Variants in PPFIA2 observed in about 807,000 individuals in gnomAD.
PPFIA2 encodes the protein PPFI scaffold protein A2.
A neutral mutation model predicts 175.5 loss-of-function variants in PPFIA2; 46 were observed. The ratio of observed to expected loss-of-function variants is 0.26; its 90% CI spans 0.21 to 0.34. PPFIA2 has a LOEUF of 0.34. Ranked by LOEUF, PPFIA2 falls within the 10% of genes least tolerant of loss-of-function variation. The pLI, the probability that PPFIA2 is intolerant of heterozygous loss-of-function variation, is 1.00. For missense variants in PPFIA2, 1,179 were observed against 1,506.1 expected (o/e 0.78, Z 3.60); for synonymous variants, 568 against 511.4 (o/e 1.11, Z -1.49).
At chr12:81,661,110 C>A (rs1037917473) in intron 4 of PPFIA2, among the ~76,000 whole-genome samples, 1 of 152,152 alleles carries the variant, frequency 6.6e-6, no homozygotes, top group African/African-American at 2.4e-5. Context: ...ATTGTAAAGA[C>A]CATCGAGGCT....
intron 22 of PPFIA2, among the ~76,000 whole-genome samples, chr12:81,304,969 T>G (rs2048797203): frequency 6.6e-6 from 1 of 151,974 alleles, no homozygotes. Context: ...GAAGGTTGTT[T>G]CAATTTTCAA....
intron 4 of PPFIA2, among the ~76,000 whole-genome samples, chr12:81,486,494 G>C (rs1450822084): frequency 6.6e-6 from 1 of 151,758 alleles, no homozygotes; most frequent in Non-Finnish European, 1.5e-5. Context: ...AGAATTTTCA[G>C]GTACAAATTG....
intron 4 of PPFIA2, among the ~76,000 whole-genome samples, chr12:81,605,030 G>T (rs2060148155): frequency 6.6e-6 from 1 of 151,622 alleles, no homozygotes; most frequent in Non-Finnish European, 1.5e-5. Flanking sequence ...CATGTTATCA[G>T]CTTGGTGTTA....
intron 19 of PPFIA2, among the ~76,000 whole-genome samples, chr12:81,342,048 T>G (rs1162126070): frequency 2.0e-5 from 3 of 152,020 alleles, no homozygotes; most frequent in Non-Finnish European, 4.4e-5. Flanking sequence ...ATTGTTCCAT[T>G]TTACTACCAT....
rs1390994196 is a variant in PPFIA2 at position 81,343,439 on chromosome 12, A to T, written c.2262+1225T>A. On this transcript the variant is annotated intron_variant, in intron 19 of 32. Coordinates refer to ENST00000549396, the MANE Select transcript of PPFIA2 (RefSeq NM_003625.5). The stretch of plus-strand genomic sequence containing the variant: ...CTGGTAGTGTTAAGGAGAAGAGGCT[A>T]TAGGTAGATAGATAATAGCCCAGGA... Among the ~76,000 whole-genome samples, 6 of 152,102 alleles carry T rather than the reference A, an allele frequency of 3.9e-5. No individual in the cohort carries two copies. In the East Asian group the frequency reaches 1.2e-3, roughly 29 times the overall value.
At chr12:81,659,964 CA>C (rs2068515212) in intron 4 of PPFIA2, among the ~76,000 whole-genome samples, 1 of 152,150 alleles carries the variant, frequency 6.6e-6, no homozygotes, top group African/African-American at 2.4e-5. Context: ...TGGCAAATTC[CA>C]ACAGACCTGC....
At chr12:81,711,530 T>C (rs2077917974) in intron 3 of PPFIA2, among the ~76,000 whole-genome samples, 2 of 151,494 alleles carry the variant, frequency 1.3e-5, no homozygotes, top group South Asian at 4.1e-4. Flanking sequence ...TGTTTCTTCA[T>C]TGATCCCAGT....
chr12:81,291,809 T>C (rs1474848944), intron 24 of PPFIA2, among the ~76,000 whole-genome samples: 1 of 151,940 alleles, frequency 6.6e-6, no homozygotes, highest in African/African-American at 2.4e-5. Context: ...TATGATGACT[T>C]TGAAGTAGGA....
At chr12:81,548,202 TC>T (rs1353528970) in intron 4 of PPFIA2, among the ~76,000 whole-genome samples, 1 of 152,182 alleles carries the variant, frequency 6.6e-6, no homozygotes, top group Non-Finnish European at 1.5e-5. Flanking sequence ...AGGCTATTTT[TC>T]TAAACTCTAA....
At chr12:81,390,798 T>G (rs2039974082) in intron 8 of PPFIA2, among the ~76,000 whole-genome samples, 1 of 151,864 alleles carries the variant, frequency 6.6e-6, no homozygotes, top group Non-Finnish European at 1.5e-5. Flanking sequence ...AGTTCCAGTT[T>G]ATCATTTTTT....
At chr12:81,349,637 T>A (rs1358309974) in intron 17 of PPFIA2, among the ~76,000 whole-genome samples, 2 of 88,004 alleles carry the variant, frequency 2.3e-5, no homozygotes, top group Non-Finnish European at 3.8e-5. Flanking sequence ...CTCCTAGAAA[T>A]TTTTTTCTGG....
intron 4 of PPFIA2, among the ~76,000 whole-genome samples, chr12:81,478,864 G>A (rs1001804724): frequency 1.1e-4 from 17 of 152,124 alleles, no homozygotes; most frequent in Non-Finnish European, 1.9e-4. Context: ...GAATAAGTGC[G>A]ATGTGGTGCT....
At position 81,353,771 on chromosome 12, in the gene PPFIA2, C is replaced by T. The variant is rs2060426112; in HGVS notation, c.1774-432G>A. ...AAATATTATCACATAAGAAATTACA[C>T]AGGAATTCTCTTCCCAACATTTATT... On this transcript the variant is annotated intron_variant, in intron 16 of 32. Transcript: ENST00000549396. Among the ~76,000 whole-genome samples the T allele has an allele frequency of 2.0e-5, 3 of 152,208 alleles. No individual in the cohort carries two copies. In the South Asian group the frequency reaches 6.2e-4, roughly 32 times the overall value.
At chr12:81,357,272 G>GAT (rs974482012) in intron 16 of PPFIA2, among the ~76,000 whole-genome samples, 1 of 152,120 alleles carries the variant, frequency 6.6e-6, no homozygotes, top group African/African-American at 2.4e-5. Flanking sequence ...GTATTCAACA[G>GAT]ATATTGAATG....
chr12:81,308,488 C>T (rs1311304026), intron 22 of PPFIA2, among the ~76,000 whole-genome samples: 1 of 152,196 alleles, frequency 6.6e-6, no homozygotes, highest in South Asian at 2.1e-4. Flanking sequence ...ACAGAGTCAG[C>T]TCTCTTAACC....
chr12:81,346,995 T>C (rs2059180873), intron 18 of PPFIA2, among the ~76,000 whole-genome samples: 1 of 152,120 alleles, frequency 6.6e-6, no homozygotes, highest in Non-Finnish European at 1.5e-5. Flanking sequence ...AGTGTTGCCA[T>C]GATAGCTCAC....
At chr12:81,637,218 C>T (rs1384349525) in intron 4 of PPFIA2, among the ~76,000 whole-genome samples, 24 of 132,178 alleles carry the variant, frequency 1.8e-4, no homozygotes, top group African/African-American at 6.2e-4. Context: ...TACAGGCATG[C>T]GCTACCACGC....
At chr12:81,331,214 G>A (rs956374077) in intron 21 of PPFIA2, among the ~76,000 whole-genome samples, 7 of 152,092 alleles carry the variant, frequency 4.6e-5, no homozygotes, top group Admixed American at 3.3e-4. Context: ...TTTATGTTTA[G>A]GTACACAAAT....
chr12:81,500,361 G>C (rs145411022), intron 4 of PPFIA2, among the ~76,000 whole-genome samples: 1 of 152,132 alleles, frequency 6.6e-6, no homozygotes, highest in East Asian at 1.9e-4. Flanking sequence ...TAAAGTGCTT[G>C]GAACACAAAA....
Sources: allele counts gnomAD v4.1 joint callset (sites outside exome capture counted in the v4.1 genomes callset), GRCh38; gene constraint gnomAD v4.1.1; transcripts MANE v1.5; gene names NCBI Gene and HGNC (gene_info 2026-07-23, HGNC 2026-07-21).